The following NTMT2 variants were observed in gnomAD, a reference collection of about 807,000 sequenced individuals.
The protein encoded by NTMT2 is N-terminal Xaa-Pro-Lys N-methyltransferase 2, also known as X-Pro-Lys N-terminal protein methyltransferase 1B.
Under a neutral mutation model 23.4 loss-of-function variants are expected in NTMT2, and 21 were observed. That is an observed-to-expected ratio of 0.90 (90% CI 0.64 to 1.29). NTMT2 has a LOEUF of 1.29. Among genes scored for constraint, NTMT2 ranks in the 50% most tolerant of loss-of-function variants. The pLI is 0.00. For missense variants in NTMT2, 336 were observed against 352.0 expected (o/e 0.95, Z 0.36); for synonymous variants, 131 against 127.7 (o/e 1.03, Z -0.17).
intron 2 of NTMT2, among the ~76,000 whole-genome samples, chr1:170,166,140 CTTTTTTTTTT>C (rs3040077): frequency 1.0e-4 from 7 of 67,792 alleles, no homozygotes; most frequent in African/African-American, 3.1e-4. Context: ...TTTTTTTTTT[CTTTTTTTTTT>C]TTTTTTTGAG....
At chr1:170,148,040 T>C (rs1377516896) in intron 1 of NTMT2, among the ~76,000 whole-genome samples, 1 of 151,808 alleles carries the variant, frequency 6.6e-6, no homozygotes, top group African/African-American at 2.4e-5. Context: ...TGACGCCCAA[T>C]GTAAAATACA....
chr1:170,157,946 A>G (rs547666242), intron 1 of NTMT2: 2 of 152,180 alleles, frequency 1.3e-5, no homozygotes, highest in South Asian at 4.1e-4. Flanking sequence ...TTTGTCTTGT[A>G]ATATAAACTG....
rs1673425046 is a variant in NTMT2, at chr1:170,167,723, G to A, written c.818G>A (p.Trp273Ter). ...TTCCCAGAGCAGTGCATCCCCGTGTGGATGTTCGCACTGCACAGCGACAGA... is the reference window on the plus strand; with the variant it reads ...TTCCCAGAGCAGTGCATCCCCGTGTAGATGTTCGCACTGCACAGCGACAGA... ...DGFPEQCIPV[W>*]MFALHSDRHS is the part of the protein sequence containing the mutation. Residue 273 changes from tryptophan (W) to a stop codon, truncating the protein, a stop_gained, in exon 4 of 4, where the codon TGG (tryptophan) becomes TAG (stop). Coordinates refer to ENST00000439373, the MANE Select transcript of NTMT2 (RefSeq NM_001136107.2). LOFTEE classifies it high-confidence loss of function. The A allele has an allele frequency of 6.4e-7, 1 of 1,551,098 alleles. No homozygotes were observed. The highest frequency in any genetic ancestry group is 8.7e-7 in the Non-Finnish European group (1 of 1,146,820).
At position 170,167,579 on chromosome 1, in the gene NTMT2, C is replaced by T. The variant is rs1348001471; in HGVS notation, c.674C>T (p.Ala225Val). The T allele has an allele frequency of 6.4e-7, 1 of 1,551,688 alleles. No homozygotes were observed. Among genetic ancestry groups the T allele is most frequent in the South Asian group, 1.2e-5 (1 of 84,058 alleles). Reference protein sequence around the residue: ...NGIIILKDNVAREGCILDLSD... With the variant: ...NGIIILKDNVVREGCILDLSD... ...ATCATCATATTGAAGGACAATGTGG[C>T]CCGGGAGGGCTGTATCCTTGATCTC... The change falls in exon 4 of 4, where the codon GCC becomes GTC. Residue 225 changes from alanine to valine, a missense_variant. Transcript: ENST00000439373.
At chr1:170,152,653 C>T (rs1673092324) in intron 1 of NTMT2, among the ~76,000 whole-genome samples, 1 of 152,082 alleles carries the variant, frequency 6.6e-6, no homozygotes, top group African/African-American at 2.4e-5. Flanking sequence ...GTAATGACAG[C>T]TTTCTAGTAT....
intron 2 of NTMT2, among the ~76,000 whole-genome samples, chr1:170,163,876 C>G (rs1435314066): frequency 6.6e-6 from 1 of 152,172 alleles, no homozygotes; most frequent in Admixed American, 6.5e-5. Context: ...AATCCCATCA[C>G]TTTGGGACGC....
intron 3 of NTMT2, among the ~76,000 whole-genome samples, chr1:170,167,100 A>G (rs1673410064): frequency 6.6e-6 from 1 of 152,188 alleles, no homozygotes; most frequent in South Asian, 2.1e-4. Flanking sequence ...GCAGAACTAG[A>G]CATTCTTAGA....
chr1:170,157,747 G>A (rs1485510772), intron 1 of NTMT2, among the ~76,000 whole-genome samples: 1 of 152,010 alleles, frequency 6.6e-6, no homozygotes. Flanking sequence ...CTTGCTTCAT[G>A]CCCTGATCAT....
At chr1:170,163,389 T>C (rs940078870) in intron 2 of NTMT2, among the ~76,000 whole-genome samples, 7 of 152,234 alleles carry the variant, frequency 4.6e-5, no homozygotes, top group African/African-American at 1.7e-4. Context: ...ATTTAAAGTT[T>C]TGTTTTCCTT....
At chr1:170,164,908 T>C (rs1047490254) in intron 2 of NTMT2, among the ~76,000 whole-genome samples, 2 of 152,232 alleles carry the variant, frequency 1.3e-5, no homozygotes, top group Non-Finnish European at 2.9e-5. Context: ...TAAATAATAA[T>C]TGTGGCTATT....
intron 3 of NTMT2, among the ~76,000 whole-genome samples, chr1:170,167,229 C>T (rs1179811048): frequency 2.0e-5 from 3 of 152,044 alleles, no homozygotes; most frequent in Non-Finnish European, 4.4e-5. Flanking sequence ...GTGGGGTAGA[C>T]AATAACTTAT....
At chr1:170,155,328 C>T (rs1673144069) in intron 1 of NTMT2, among the ~76,000 whole-genome samples, 2 of 152,102 alleles carry the variant, frequency 1.3e-5, no homozygotes, top group Non-Finnish European at 2.9e-5. Context: ...AGCTGGCAAA[C>T]AAATCCAGGA....
At position 170,160,665 on chromosome 1, in the gene NTMT2, C is replaced by T; in HGVS notation, c.302C>T (p.Ser101Phe). The change falls in exon 2 of 4, where the codon TCT becomes TTT. Residue 101 changes from serine (S) to phenylalanine (F), a missense_variant. Coordinates refer to ENST00000439373, the MANE Select transcript of NTMT2 (RefSeq NM_001136107.2). Reference sequence around the variant, plus strand: ...CTGTCCAGCCCAGACATCCAGGCCTCTCAGAAATTTCTTAGGAAATTTGTT... The same window carrying T: ...CTGTCCAGCCCAGACATCCAGGCCTTTCAGAAATTTCTTAGGAAATTTGTT... ...IELSSPDIQA[S>F]QKFLRKFVGG... is the part of the protein sequence containing the mutation. 6.5e-7 allele frequency: 1 copy of T among 1,528,992 alleles called. No individual in the cohort carries two copies. Among genetic ancestry groups the T allele is most frequent in the Middle Eastern group, 1.7e-4 (1 of 5,862 alleles). The allele number at this position is 1,528,992 out of a possible 1,614,324, so 94.7% of individuals were successfully genotyped here.
chr1:170,160,580 A>G lies in NTMT2; in HGVS notation c.217A>G (p.Lys73Glu). ...NGEMQFYARAKLFYQEVPATE... is the reference protein window; with the variant it reads ...NGEMQFYARAELFYQEVPATE... ...TGAGATGCAGTTCTATGCCAGAGCT[A>G]AACTTTTCTACCAAGAAGTACCAGC... The change falls in exon 2 of 4, where the codon AAA becomes GAA. Residue 73 changes from lysine to glutamate, a missense_variant. Physicochemically the swap from Lys to Glu is moderately conservative, Grantham distance 56. Transcript: ENST00000439373. 1.9e-6 allele frequency: 3 copies of G among 1,551,648 alleles called. No individual in the cohort carries two copies. Among genetic ancestry groups the G allele is most frequent in the Non-Finnish European group, 2.6e-6 (3 of 1,146,954 alleles).
rs530300794 is a variant in NTMT2, at chr1:170,160,667, C to G, written c.304C>G (p.Gln102Glu). 1.3e-4 allele frequency: 203 copies of G among 1,528,258 alleles called. 3 individuals carry two copies. The South Asian group carries it at 2.4e-3, about 18-fold the overall frequency. The allele number at this position is 1,528,258 out of a possible 1,614,324, so 94.7% of individuals were successfully genotyped here. ...GTCCAGCCCAGACATCCAGGCCTCT[C>G]AGAAATTTCTTAGGAAATTTGTTGG... ...ELSSPDIQAS[Q>E]KFLRKFVGGP... is the part of the protein sequence containing the mutation. Residue 102 changes from glutamine to glutamate, a missense_variant, in exon 2 of 4, where the codon CAG becomes GAG. By Grantham distance (29) the Gln-to-Glu change is conservative (BLOSUM62 2). Transcript: ENST00000439373.
At chr1:170,156,407 T>C (rs1158552541) in intron 1 of NTMT2, among the ~76,000 whole-genome samples, 1 of 152,210 alleles carries the variant, frequency 6.6e-6, no homozygotes, top group Non-Finnish European at 1.5e-5. Flanking sequence ...ATTTCATCTT[T>C]ATTCTCCTTC....
At chr1:170,149,814 G>A (rs1448160568) in intron 1 of NTMT2, among the ~76,000 whole-genome samples, 3 of 152,104 alleles carry the variant, frequency 2.0e-5, no homozygotes, top group East Asian at 3.9e-4. Flanking sequence ...TCTGAGCCAG[G>A]CCTCTTTTAA....
At chr1:170,154,929 C>T (rs1673137465) in intron 1 of NTMT2, among the ~76,000 whole-genome samples, 1 of 152,068 alleles carries the variant, frequency 6.6e-6, no homozygotes, top group South Asian at 2.1e-4. Flanking sequence ...GTCATAGGGA[C>T]AGGTCCCTCA....
rs2102243567 is a variant in NTMT2, at chr1:170,166,572, T to C, written c.401T>C (p.Val134Ala). 1 of 1,552,138 alleles carries C rather than the reference T, an allele frequency of 6.4e-7. No homozygotes were observed. Among genetic ancestry groups the C allele is most frequent in the East Asian group, 2.4e-5 (1 of 40,912 alleles). Residue 134 changes from valine to alanine, a missense_variant, in exon 3 of 4, where the codon GTC becomes GCC. Val to Ala is a moderately conservative substitution (Grantham distance 64). Coordinates refer to ENST00000439373, the MANE Select transcript of NTMT2 (RefSeq NM_001136107.2). Reference sequence around the variant, plus strand: ...GGGATAGGAAGGGTCAGCAAACACGTCTTATTGCCTGTTTTCAACAGTGTG... The same window carrying C: ...GGGATAGGAAGGGTCAGCAAACACGCCTTATTGCCTGTTTTCAACAGTGTG... ...GSGIGRVSKH[V>A]LLPVFNSVEL...
Sources: gnomAD v4.1 joint callset for allele counts (sites outside exome capture counted in the v4.1 genomes callset) on GRCh38, gnomAD v4.1.1 for gene constraint, MANE v1.5 for transcripts, NCBI Gene and HGNC (gene_info 2026-07-23, HGNC 2026-07-21) for gene names.